The following CCDC187 variants were observed in gnomAD, a reference collection of about 807,000 sequenced individuals.
CCDC187 encodes the protein coiled-coil domain-containing protein 187.
In CCDC187, 32 loss-of-function variants were observed where a neutral mutation model predicts 38.0. That is an observed-to-expected ratio of 0.84 (90% CI 0.64 to 1.13). The LOEUF (loss-of-function observed/expected upper bound fraction) is 1.13, where lower values mean the gene tolerates loss of function less well. Among genes scored for constraint, CCDC187 ranks in the 50% most tolerant of loss-of-function variants. The probability of loss-of-function intolerance (pLI) is 0.00; values close to 1 mark genes in which losing one functional copy is unlikely to be tolerated. For missense variants in CCDC187, 707 were observed against 786.8 expected, an observed-to-expected ratio of 0.90 and a Z score of 1.21; for synonymous variants, 333 against 347.9, an observed-to-expected ratio of 0.96 and a Z score of 0.48.
At position 136,256,222 on chromosome 9, in the gene CCDC187, C is replaced by T. The variant is rs1830610883; in HGVS notation, c.4605G>A (p.Ser1535=). The T allele has an allele frequency of 4.1e-6, 4 of 985,578 alleles. No individual in the cohort carries two copies. The highest frequency in any genetic ancestry group is 4.8e-6 in the Non-Finnish European group (4 of 830,056). The allele number at this position is 985,578 out of a possible 1,614,324, so 61.1% of individuals were successfully genotyped here. Residue 1535 remains serine (S), a synonymous_variant, in exon 24 of 26, where the codon TCG becomes TCA. Transcript: ENST00000638797. The part of the protein sequence containing the change: ...EESQETESWR[S]GEQRTEACQQ... ...GCTCAGCCCCACACCTCTGCTCCCC[C>T]GATCGCCAGCTCTCGGTTTCCTGGG...
At chr9:136,277,357 G>T (rs1187275193) in intron 10 of CCDC187, among the ~76,000 whole-genome samples, 1 of 129,046 alleles carries the variant, frequency 7.7e-6, no homozygotes, top group Non-Finnish European at 1.7e-5. Flanking sequence ...CTGACAGAGT[G>T]GGTGGGTGCT....
At chr9:136,260,354 C>T (rs1488783219) in intron 19 of CCDC187, 90 bp from the exon 20 acceptor site, 2 of 960,730 alleles carry the variant, frequency 2.1e-6, no homozygotes, top group South Asian at 4.8e-5. Flanking sequence ...CCAGCACCCT[C>T]TCCCTGGGAA....
chr9:136,293,293 T>A (rs1347089774), intron 4 of CCDC187, among the ~76,000 whole-genome samples: 1 of 132,776 alleles, frequency 7.5e-6, no homozygotes, highest in Non-Finnish European at 1.6e-5. Flanking sequence ...GCTCACACAC[T>A]CACAAACACA....
intron 4 of CCDC187, among the ~76,000 whole-genome samples, chr9:136,292,851 G>A (rs1031644546): frequency 1.3e-5 from 2 of 152,218 alleles, no homozygotes; most frequent in Non-Finnish European, 2.9e-5. Context: ...AAGGCTCCCC[G>A]GCTGGCAGGG....
At chr9:136,299,365 C>T (rs1243522075) in intron 3 of CCDC187, among the ~76,000 whole-genome samples, 1 of 152,188 alleles carries the variant, frequency 6.6e-6, no homozygotes, top group Admixed American at 6.5e-5. Flanking sequence ...CCTGGACCCA[C>T]CCGGCCGGCA....
intron 10 of CCDC187, among the ~76,000 whole-genome samples, chr9:136,280,481 C>T (rs1425035577): frequency 6.6e-6 from 1 of 152,196 alleles, no homozygotes; most frequent in African/African-American, 2.4e-5. Context: ...CAAGCCCTCC[C>T]CTCCATACAC....
Position 136,255,122 on chromosome 9 carries a change from A to T in CCDC187, c.4706T>A (p.Val1569Asp), listed in dbSNP as rs1554760118. ...QAAASPAAPV[V>D]PEEAAPPILH... is the part of the protein sequence containing the mutation. ...GATTGGGGGCGCCGCCTCCTCAGGGACCACAGGAGCTGCTAAGAGAGGGGG... is the reference window on the plus strand; with the variant it reads ...GATTGGGGGCGCCGCCTCCTCAGGGTCCACAGGAGCTGCTAAGAGAGGGGG... The change falls in exon 26 of 26, where the codon GTC becomes GAC. Residue 1569 changes from valine (V) to aspartate (D), a missense_variant. Coordinates refer to ENST00000638797, the MANE Select transcript of CCDC187 (RefSeq NM_001378188.1). 1.0e-6 allele frequency: 1 copy of T among 985,386 alleles called. No individual in the cohort carries two copies. The highest frequency in any genetic ancestry group is 1.1e-4 in the East Asian group (1 of 8,812). 61.0% of individuals were successfully genotyped at this position (985,386 alleles called of 1,614,324 possible).
In CCDC187 at chr9:136,274,942, C is replaced by G. The variant is rs575901774; in HGVS notation, c.3291G>C (p.Pro1097=). 2.0e-5 allele frequency: 3 copies of G among 152,384 alleles called. No individual in the cohort carries two copies. The highest frequency in any genetic ancestry group is 7.2e-5 in the African/African-American group (3 of 41,466). The allele number at this position is 152,384 out of a possible 1,614,324, so 9.4% of individuals were successfully genotyped here. The change falls in exon 13 of 26, where the codon CCG becomes CCC. Residue 1097 remains proline (P), a synonymous_variant. Coordinates refer to ENST00000638797, the MANE Select transcript of CCDC187 (RefSeq NM_001378188.1). ...TGGTCGGCTCTCGGTCCTTGCACAT[C>G]GGAGGCTGCTCCAGCTTCAACGCCT... ...PEEALKLEQP[P]MCKDREPTTA...
chr9:136,255,309 G>A (rs1045677145), intron 25 of CCDC187, among the ~76,000 whole-genome samples, 175 bp from the exon 26 acceptor site: 6 of 152,132 alleles, frequency 3.9e-5, no homozygotes, highest in East Asian at 1.9e-4. Context: ...GGTTCACCAC[G>A]CCCACCCCCA....
At chr9:136,274,482 G>A (rs1377090882) in intron 14 of CCDC187, among the ~76,000 whole-genome samples, 176 bp downstream of exon 14, 4 of 152,262 alleles carry the variant, frequency 2.6e-5, no homozygotes, top group Non-Finnish European at 4.4e-5. Flanking sequence ...GCGAGTGCTG[G>A]AGTCAGACAG....
At position 136,250,646 on chromosome 9, in the gene CCDC187, A is replaced by G. The variant is rs949172158; in HGVS notation, c.*2948T>C. Reference sequence around the variant, plus strand: ...CAAAGTTTGTTCTGAAATTGGGAGCATGGAGCAGGAACACATTCCCCACTG... The same window carrying G: ...CAAAGTTTGTTCTGAAATTGGGAGCGTGGAGCAGGAACACATTCCCCACTG... On this transcript the variant is annotated 3_prime_UTR_variant, in exon 26 of 26. Coordinates refer to ENST00000638797, the MANE Select transcript of CCDC187 (RefSeq NM_001378188.1). The G allele has an allele frequency of 9.4e-6, 4 of 423,386 alleles. No homozygotes were observed. The highest frequency in any genetic ancestry group is 3.3e-5 in the South Asian group (2 of 60,464). The allele number at this position is 423,386 out of a possible 1,614,324, so 26.2% of individuals were successfully genotyped here. A position where few individuals can be genotyped will look rare whatever the true frequency, so the allele number is the denominator to read the frequency against.
chr9:136,296,867 C>T (rs898187668), intron 4 of CCDC187, among the ~76,000 whole-genome samples: 30 of 152,304 alleles, frequency 2.0e-4, no homozygotes, highest in Non-Finnish European at 3.5e-4. Context: ...CCGGGAAACA[C>T]GCATGAAATT....
chr9:136,293,359 A>AAACAC lies in CCDC187; in HGVS notation c.833-1065_833-1064insGTGTT, dbSNP rs1831407096. Among the ~76,000 whole-genome samples the AAACAC allele has an allele frequency of 4.5e-4, 61 of 134,734 alleles. 2 individuals are homozygous for AAACAC. Among genetic ancestry groups the AAACAC allele is most frequent in the Middle Eastern group, 9.3e-3 (2 of 214 alleles). The allele number at this position is 134,734 out of a possible 152,430, so 88.4% of individuals were successfully genotyped here. On this transcript the variant is annotated intron_variant, in intron 4 of 25. Coordinates refer to ENST00000638797, the MANE Select transcript of CCDC187 (RefSeq NM_001378188.1). ...CACTCACACTCACATGCTCACACACATTCACATGCTCACACACTCACACTC... is the reference window on the plus strand; with the variant it reads ...CACTCACACTCACATGCTCACACACAAACACTTCACATGCTCACACACTCACACTC...
chr9:136,259,691 G>A (rs1178057352), intron 20 of CCDC187, among the ~76,000 whole-genome samples: 9 of 152,174 alleles, frequency 5.9e-5, no homozygotes, highest in African/African-American at 1.7e-4. Context: ...TGAGACAAGC[G>A]CAGGGCAGGC....
intron 4 of CCDC187, among the ~76,000 whole-genome samples, chr9:136,294,108 ACT>A (rs1405328485): frequency 5.2e-5 from 5 of 96,012 alleles, no homozygotes; most frequent in Non-Finnish European, 8.3e-5. Context: ...AAGTGCTCAC[ACT>A]CACACACTCT....
rs1830521165 is a variant in CCDC187 at position 136,250,414 on chromosome 9, G to T, written c.*3180C>A. The T allele has an allele frequency of 3.4e-6, 1 of 292,022 alleles. No individual in the cohort carries two copies. 18.1% of individuals were successfully genotyped at this position (292,022 alleles called of 1,614,324 possible). On this transcript the variant is annotated 3_prime_UTR_variant, in exon 26 of 26. Coordinates refer to ENST00000638797, the MANE Select transcript of CCDC187 (RefSeq NM_001378188.1). ...CACCAACCACGTGGCAGCGAGCCTG[G>T]GAGCCATCAGATTCGCTGCAAATCT...
chr9:136,283,695 C>T (rs1831102108), intron 9 of CCDC187, among the ~76,000 whole-genome samples: 1 of 152,224 alleles, frequency 6.6e-6, no homozygotes, highest in East Asian at 1.9e-4. Context: ...CTGGCTGCAC[C>T]CAGGCTGTGC....
chr9:136,269,942 T>A (rs902993587), intron 14 of CCDC187, among the ~76,000 whole-genome samples: 13 of 151,980 alleles, frequency 8.6e-5, no homozygotes, highest in African/African-American at 3.1e-4. Context: ...ATTAAATCAC[T>A]TGAGATGAAA....
intron 9 of CCDC187, among the ~76,000 whole-genome samples, chr9:136,282,277 CCA>C (rs1444967557): frequency 6.6e-6 from 1 of 152,162 alleles, no homozygotes; most frequent in Non-Finnish European, 1.5e-5. Flanking sequence ...ACAACTGGAC[CCA>C]CACACCTGCC....
Sources: gnomAD v4.1 joint callset for allele counts (sites outside exome capture counted in the v4.1 genomes callset) on GRCh38, gnomAD v4.1.1 for gene constraint, MANE v1.5 for transcripts, NCBI Gene and HGNC (gene_info 2026-07-23, HGNC 2026-07-21) for gene names.